The following EIF3H variants were observed in gnomAD, a reference collection of about 807,000 sequenced individuals.
EIF3H encodes the protein eukaryotic translation initiation factor 3 subunit H, also known as eIF-3-gamma.
A neutral mutation model predicts 44.2 loss-of-function variants in EIF3H; 26 were observed. The observed-to-expected ratio is 0.59, with a 90% CI of 0.43 to 0.82. EIF3H has a LOEUF of 0.82. EIF3H is among the 40% of genes least tolerant of loss of function. EIF3H has a pLI of 0.00. For synonymous variants in EIF3H, 166 were observed against 151.9 expected (o/e 1.09, Z -0.68); for missense variants, 359 against 432.8 (o/e 0.83, Z 1.51).
intron 4 of EIF3H, 125 bp downstream of exon 4, chr8:116,657,089 GA>G: frequency 1.3e-6 from 1 of 777,646 alleles, no homozygotes; most frequent in Middle Eastern, 2.3e-4. Context: ...TCGGCATGCA[GA>G]AAACTTCTAC....
chr8:116,663,238 A>G (rs978656082), intron 2 of EIF3H, among the ~76,000 whole-genome samples: 2 of 152,178 alleles, frequency 1.3e-5, no homozygotes, highest in Admixed American at 1.3e-4. Flanking sequence ...ACAAAAGGAA[A>G]AAGGAGGAGG....
chr8:116,658,876 C>T lies in EIF3H; in HGVS notation c.394G>A (p.Ala132Thr). Residue 132 changes from alanine to threonine, a missense_variant, in exon 3 of 8, where the codon GCA becomes ACA. Transcript: ENST00000521861. ...TAACTAAACTGAGAGTCCAGGAGTG[C>T]CCGGGTAACGAATGAGCCATAGTAT... ...STYYGSFVTR[A>T]LLDSQFSYQH... 6.2e-7 allele frequency: 1 copy of T among 1,613,864 alleles called. No homozygotes were observed. Among genetic ancestry groups the T allele is most frequent in the Non-Finnish European group, 8.5e-7 (1 of 1,179,844 alleles).
intron 2 of EIF3H, among the ~76,000 whole-genome samples, chr8:116,700,027 A>G (rs1226731431): frequency 6.6e-6 from 1 of 152,212 alleles, no homozygotes; most frequent in Admixed American, 6.5e-5. Context: ...GATGGTCTCA[A>G]ACTCCAGGCC....
At chr8:116,729,225 G>A (rs1814911269) in intron 1 of EIF3H, among the ~76,000 whole-genome samples, 1 of 152,144 alleles carries the variant, frequency 6.6e-6, no homozygotes, top group Non-Finnish European at 1.5e-5. Context: ...ACAAATTCTA[G>A]AAGTGATTCC....
chr8:116,702,327 A>G (rs1814391971), intron 2 of EIF3H, among the ~76,000 whole-genome samples: 1 of 152,184 alleles, frequency 6.6e-6, no homozygotes, highest in Admixed American at 6.5e-5. Context: ...GAAAAGCAGG[A>G]ATTACTTGTC....
Position 116,647,618 on chromosome 8 carries a change from G to C in EIF3H, c.829-1015C>G, listed in dbSNP as rs560168942. 2.6e-5 allele frequency among the ~76,000 whole-genome samples: 4 copies of C among 152,278 alleles called. No homozygotes were observed. In the East Asian group the frequency reaches 7.7e-4, roughly 29 times the overall value. On this transcript the variant is annotated intron_variant, in intron 6 of 7. Coordinates refer to ENST00000521861, the MANE Select transcript of EIF3H (RefSeq NM_003756.3). ...ATGACTGCTCCCAACAGTGAAGCAC[G>C]TAATATCCCATACACAACCTTAAAA...
chr8:116,705,548 G>C (rs1814455988), intron 2 of EIF3H, among the ~76,000 whole-genome samples: 1 of 148,260 alleles, frequency 6.7e-6, no homozygotes, highest in Non-Finnish European at 1.5e-5. Context: ...CTTCAACACT[G>C]AGATTTCTTC....
At chr8:116,680,198 T>TGGGGGG (rs1221037720) in intron 2 of EIF3H, among the ~76,000 whole-genome samples, 1 of 5,098 alleles carries the variant, frequency 2.0e-4, no homozygotes, top group South Asian at 6.4e-3. Flanking sequence ...TCCGGGAGGG[T>TGGGGGG]GGGGGGGGGG....
At chr8:116,656,513 C>T (rs996482925) in intron 4 of EIF3H, among the ~76,000 whole-genome samples, 7 of 152,168 alleles carry the variant, frequency 4.6e-5, no homozygotes, top group Non-Finnish European at 8.8e-5. Context: ...ATAACCACCA[C>T]ATCCAGGAAT....
intron 1 of EIF3H, among the ~76,000 whole-genome samples, chr8:116,745,327 G>A (rs1003100555): frequency 1.3e-5 from 2 of 152,104 alleles, no homozygotes; most frequent in Non-Finnish European, 2.9e-5. Context: ...TACCCATTCA[G>A]GTTCTCTTTA....
intron 1 of EIF3H, among the ~76,000 whole-genome samples, chr8:116,745,497 T>C: frequency 6.6e-6 from 1 of 152,088 alleles, no homozygotes; most frequent in East Asian, 1.9e-4. Context: ...TTGTCATCAC[T>C]AGCATATATG....
intron 1 of EIF3H, among the ~76,000 whole-genome samples, chr8:116,763,171 G>A (rs1407936830): frequency 6.6e-6 from 1 of 152,222 alleles, no homozygotes; most frequent in Non-Finnish European, 1.5e-5. Flanking sequence ...ACTTTGGGTA[G>A]ATGTGTGTAG....
At chr8:116,758,040 A>G (rs1815478636), upstream of EIF3H, among the ~76,000 whole-genome samples, 1 of 152,248 alleles carries the variant, frequency 6.6e-6, no homozygotes, top group Non-Finnish European at 1.5e-5. Flanking sequence ...TGTTTTAAAT[A>G]TACCAATTAA....
In EIF3H at chr8:116,642,295, G is replaced by A. The variant is rs1470546849; in HGVS notation, c.*2711C>T. The A allele has an allele frequency of 6.6e-6, 1 of 152,124 alleles. No homozygotes were observed. Among genetic ancestry groups the A allele is most frequent in the East Asian group, 1.9e-4 (1 of 5,206 alleles). 9.4% of individuals were successfully genotyped at this position (152,124 alleles called of 1,614,324 possible). On this transcript the variant is annotated 3_prime_UTR_variant, in exon 8 of 8. Coordinates refer to ENST00000521861, the MANE Select transcript of EIF3H (RefSeq NM_003756.3). The stretch of plus-strand genomic sequence containing the variant: ...GTTAAAAAACTATAGTATGAAGAAT[G>A]TAATAATATTTTAGAAGACATTAAA...
chr8:116,673,155 A>C (rs1434797688), intron 2 of EIF3H, among the ~76,000 whole-genome samples: 1 of 152,070 alleles, frequency 6.6e-6, no homozygotes, highest in Non-Finnish European at 1.5e-5. Flanking sequence ...TTATTTTCTC[A>C]ATTTTTACTA....
At chr8:116,759,733 G>A (rs1238437065), upstream of EIF3H, among the ~76,000 whole-genome samples, 4 of 151,952 alleles carry the variant, frequency 2.6e-5, no homozygotes, top group East Asian at 3.9e-4. Flanking sequence ...GTGTGCGCGC[G>A]CACACACGCA....
intron 1 of EIF3H, among the ~76,000 whole-genome samples, chr8:116,727,987 T>C (rs1051369754): frequency 3.9e-5 from 6 of 152,196 alleles, no homozygotes; most frequent in Non-Finnish European, 8.8e-5. Context: ...TAGCCTCTTA[T>C]GGAAAATTTG....
rs139562084 is a variant in EIF3H, at chr8:116,657,134, C to T, written c.557+81G>A. 19 of 1,232,592 alleles carry T rather than the reference C, an allele frequency of 1.5e-5. No homozygotes were observed. The East Asian group carries it at 3.5e-4, about 23-fold the overall frequency. The allele number at this position is 1,232,592 out of a possible 1,614,324, so 76.4% of individuals were successfully genotyped here. On this transcript the variant is annotated intron_variant, in intron 4 of 7. Coordinates refer to ENST00000521861, the MANE Select transcript of EIF3H (RefSeq NM_003756.3). ...TGGCAAAAGCATTACCACACCACAA[C>T]CAAGGATTCAAGAGATGTGGCAAAG...
At chr8:116,710,327 A>G (rs1263596621) in intron 2 of EIF3H, among the ~76,000 whole-genome samples, 2 of 152,158 alleles carry the variant, frequency 1.3e-5, no homozygotes, top group Non-Finnish European at 2.9e-5. Flanking sequence ...GCATTCAGTG[A>G]TATTTAATAA....
Sources: allele counts gnomAD v4.1 joint callset (sites outside exome capture counted in the v4.1 genomes callset), GRCh38; gene constraint gnomAD v4.1.1; transcripts MANE v1.5; gene names NCBI Gene and HGNC (gene_info 2026-07-23, HGNC 2026-07-21).